The following INSR variants were observed in gnomAD, a reference collection of about 807,000 sequenced individuals.
INSR encodes insulin receptor.
Under a neutral mutation model 142.6 loss-of-function variants are expected in INSR, and 67 were observed. That is an observed-to-expected ratio of 0.47 (90% CI 0.39 to 0.58). The LOEUF (loss-of-function observed/expected upper bound fraction) is 0.58, where lower values mean the gene tolerates loss of function less well. INSR is among the 20% of genes least tolerant of loss of function. The pLI is 0.00. For synonymous variants in INSR, 756 were observed against 743.1 expected (o/e 1.02, Z -0.28); for missense variants, 1,248 against 1,833.2 (o/e 0.68, Z 5.83).
At chr19:7,277,982 T>A (rs1315510458) in intron 1 of INSR, among the ~76,000 whole-genome samples, 1 of 151,344 alleles carries the variant, frequency 6.6e-6, no homozygotes, top group African/African-American at 2.4e-5. Flanking sequence ...TAATCCCAGC[T>A]ACTCAGGAGG....
At chr19:7,197,290 C>T (rs1318924982) in intron 2 of INSR, among the ~76,000 whole-genome samples, 1 of 152,182 alleles carries the variant, frequency 6.6e-6, no homozygotes, top group African/African-American at 2.4e-5. Flanking sequence ...CTTCCCGCTT[C>T]GGGAGCCGCA....
intron 2 of INSR, among the ~76,000 whole-genome samples, chr19:7,237,026 C>CA (rs111359523): frequency 0.039 from 3,492 of 90,488 alleles, 58 homozygotes; most frequent in Non-Finnish European, 0.042. Context: ...GACTCTGTCT[C>CA]AAAAAAAAAA....
chr19:7,261,224 C>G (rs1977053784), intron 2 of INSR, among the ~76,000 whole-genome samples: 2 of 151,012 alleles, frequency 1.3e-5, no homozygotes, highest in Non-Finnish European at 3.0e-5. Context: ...AACTCTCCCC[C>G]TCTTCTGAGT....
intron 3 of INSR, among the ~76,000 whole-genome samples, chr19:7,178,624 C>T (rs1352647947): frequency 6.6e-6 from 1 of 152,106 alleles, no homozygotes; most frequent in Non-Finnish European, 1.5e-5. Flanking sequence ...GGGGCTGAGG[C>T]AGGAGAATTG....
chr19:7,262,342 G>A (rs997821647), intron 2 of INSR, among the ~76,000 whole-genome samples: 1 of 152,188 alleles, frequency 6.6e-6, no homozygotes, highest in Non-Finnish European at 1.5e-5. Context: ...CGTGGTGGCA[G>A]GTGCCCGTAA....
chr19:7,261,156 G>T (rs1229251387), intron 2 of INSR, among the ~76,000 whole-genome samples: 2 of 152,066 alleles, frequency 1.3e-5, no homozygotes, highest in Non-Finnish European at 2.9e-5. Flanking sequence ...CCAAAGTGCT[G>T]GCATTACAAG....
At position 7,128,857 on chromosome 19, in the gene INSR, T is replaced by C. The variant is rs767750972; in HGVS notation, c.2940A>G (p.Arg980=). ...VVIGSIYLFL[R]KRQPDGPLGP... ...ACTGAACTCACTGAACTCACCTCTT[T>C]CTCAGGAATAGATAAATACTTCCAA... The change falls in exon 15 of 22, where the codon AGA becomes AGG. Residue 980 remains arginine, a synonymous_variant. Coordinates refer to ENST00000302850, the MANE Select transcript of INSR (RefSeq NM_000208.4). 4 of 1,610,210 alleles carry C rather than the reference T, an allele frequency of 2.5e-6. No homozygotes were observed. The Admixed American group carries it at 6.7e-5, about 27-fold the overall frequency.
At chr19:7,128,235 C>T (rs1018209930) in intron 15 of INSR, among the ~76,000 whole-genome samples, 3 of 150,122 alleles carry the variant, frequency 2.0e-5, no homozygotes, top group African/African-American at 2.5e-5. Context: ...TTTCCCGAGA[C>T]GGAGTCTCCC....
chr19:7,138,128 T>C (rs1204998110), intron 13 of INSR, among the ~76,000 whole-genome samples: 2 of 151,570 alleles, frequency 1.3e-5, no homozygotes, highest in Admixed American at 1.3e-4. Flanking sequence ...CATGCCCGGC[T>C]AATTTTTTTG....
At position 7,174,689 on chromosome 19, in the gene INSR, G is replaced by A. The variant is rs777396258; in HGVS notation, c.1017C>T (p.Cys339=). The A allele has an allele frequency of 6.2e-7, 1 of 1,613,306 alleles. No individual in the cohort carries two copies. The highest frequency in any genetic ancestry group is 8.5e-7 in the Non-Finnish European group (1 of 1,179,680). ...TGGTCTTCTCGCCTTCTAGGAGGTG[G>A]CACACCTTGGGACAGGGACCCAGGC... ...TPCLGPCPKV[C]HLLEGEKTID... The change falls in exon 4 of 22, where the codon TGC becomes TGT. Residue 339 remains cysteine (C), a synonymous_variant. Coordinates refer to ENST00000302850, the MANE Select transcript of INSR (RefSeq NM_000208.4).
In INSR at chr19:7,119,772, G is replaced by A. The variant is rs62124489; in HGVS notation, c.3660-189C>T. ...CACACATGCAAATACACACAAACACGCATGCGCACACATGCACACACAAAT... is the reference window on the plus strand; with the variant it reads ...CACACATGCAAATACACACAAACACACATGCGCACACATGCACACACAAAT... On this transcript the variant is annotated intron_variant, in intron 20 of 21. Coordinates refer to ENST00000302850, the MANE Select transcript of INSR (RefSeq NM_000208.4). This position sits in a 1 kb window ranked among gnomAD's most constrained non-coding sequence, Gnocchi z 5.2. Among the ~76,000 whole-genome samples the A allele has an allele frequency of 0.076, 11,281 of 148,050 alleles. 495 individuals are homozygous for A. Among genetic ancestry groups the A allele is most frequent in the Non-Finnish European group, 0.096 (6,412 of 66,858 alleles).
chr19:7,209,572 C>G (rs1975214667), intron 2 of INSR, among the ~76,000 whole-genome samples: 1 of 105,064 alleles, frequency 9.5e-6, no homozygotes, highest in African/African-American at 3.8e-5. Flanking sequence ...CACACACCAC[C>G]ATGCCCAGCT....
At chr19:7,255,536 C>CTCTTTCTT (rs763829278) in intron 2 of INSR, among the ~76,000 whole-genome samples, 2 of 119,918 alleles carry the variant, frequency 1.7e-5, no homozygotes, top group Non-Finnish European at 3.5e-5. Context: ...CTTGTCTTTT[C>CTCTTTCTT]TCTTTCTTTC....
chr19:7,158,064 TATTA>T (rs1973645516), intron 9 of INSR, among the ~76,000 whole-genome samples: 5 of 140,050 alleles, frequency 3.6e-5, no homozygotes, highest in Non-Finnish European at 7.9e-5. Flanking sequence ...TTATTATTAT[TATTA>T]TTATTATTAT....
chr19:7,257,240 G>A lies in INSR; in HGVS notation c.652+10105C>T, dbSNP rs527576777. Among the ~76,000 whole-genome samples, 6 of 152,106 alleles carry A rather than the reference G, an allele frequency of 3.9e-5. No individual in the cohort carries two copies. The East Asian group carries it at 5.8e-4, about 15-fold the overall frequency. On this transcript the variant is annotated intron_variant, in intron 2 of 21. Coordinates refer to ENST00000302850, the MANE Select transcript of INSR (RefSeq NM_000208.4). ...ATTACAGGCCTGAGCCACCGTGCCC[G>A]GCCTCCCCCACCTTATCTTTTTCTT...
chr19:7,261,715 G>C (rs568918103), intron 2 of INSR, among the ~76,000 whole-genome samples: 14 of 152,060 alleles, frequency 9.2e-5, no homozygotes, highest in Non-Finnish European at 1.9e-4. Context: ...ATTTTTAGTA[G>C]AGACAGCGTT....
Position 7,216,869 on chromosome 19 carries a change from T to C in INSR, c.653-32232A>G, listed in dbSNP as rs540782299. Among the ~76,000 whole-genome samples, 1 of 152,270 alleles carries C rather than the reference T, an allele frequency of 6.6e-6. No individual in the cohort carries two copies. The highest frequency in any genetic ancestry group is 2.4e-5 in the African/African-American group (1 of 41,536). On this transcript the variant is annotated intron_variant, in intron 2 of 21. Transcript: ENST00000302850. The surrounding 1 kb of genome is among the most constrained non-coding windows in gnomAD (Gnocchi z 4.2). ...CTCTGTTGCCTAGGCTGGAGTGCAA[T>C]GGTGCAATCATGGCTCACTGCAGCC...
intron 1 of INSR, among the ~76,000 whole-genome samples, chr19:7,290,973 G>A (rs780676000): frequency 2.0e-5 from 3 of 151,880 alleles, no homozygotes; most frequent in Non-Finnish European, 2.9e-5. Flanking sequence ...GGGAGGCTGA[G>A]GCAGGAGAAT....
At chr19:7,251,050 C>A (rs559430208) in intron 2 of INSR, among the ~76,000 whole-genome samples, 124 of 152,064 alleles carry the variant, frequency 8.2e-4, no homozygotes, top group Non-Finnish European at 1.4e-3. Flanking sequence ...CTGGATCATT[C>A]TTTGTGGCTG....
Sources: gnomAD v4.1 joint callset for allele counts (sites outside exome capture counted in the v4.1 genomes callset) on GRCh38, gnomAD v4.1.1 for gene constraint, Gnocchi (gnomAD v3.1) non-coding constraint, MANE v1.5 for transcripts, NCBI Gene and HGNC (gene_info 2026-07-23, HGNC 2026-07-21) for gene names.